BCOR: variants seen among roughly 807,000 people sequenced by gnomAD.
BCOR encodes BCL6 corepressor.
A neutral mutation model predicts 86.7 loss-of-function variants in BCOR; 10 were observed. That is an observed-to-expected ratio of 0.12 (90% CI 0.07 to 0.20). The LOEUF (loss-of-function observed/expected upper bound fraction) is 0.20, where lower values mean the gene tolerates loss of function less well. Among genes scored for constraint, BCOR ranks in the 10% least tolerant of loss-of-function variants. The pLI, the probability that BCOR is intolerant of heterozygous loss-of-function variation, is 1.00. For synonymous variants in BCOR, 611 were observed against 609.0 expected, an observed-to-expected ratio of 1.00 and a Z score of -0.05; for missense variants, 1,259 against 1,452.1, an observed-to-expected ratio of 0.87 and a Z score of 2.16.
intron 1 of BCOR, among the ~76,000 whole-genome samples, chrX:40,120,559 G>C (rs1421876675): frequency 3.6e-5 from 4 of 111,476 alleles, no homozygotes; most frequent in Non-Finnish European, 5.7e-5. Context: ...CATGGCAATG[G>C]CCTCCTCACT....
Position 40,072,800 on chromosome X carries a change from T to C in BCOR, c.2546A>G (p.His849Arg). The C allele has an allele frequency of 8.3e-7, 1 of 1,211,953 alleles. No homozygotes were observed. Among genetic ancestry groups the C allele is most frequent in the Non-Finnish European group, 1.1e-6 (1 of 895,542 alleles). ...KPSVEPALQQ[H>R]RDFIALREEL... is the part of the protein sequence containing the mutation. Reference sequence around the variant, plus strand: ...CTCTCTCAGGGCGATGAAATCACGGTGCTGCTGCAGGGCCGGCTCAACTGA... The same window carrying C: ...CTCTCTCAGGGCGATGAAATCACGGCGCTGCTGCAGGGCCGGCTCAACTGA... Residue 849 changes from histidine (H) to arginine (R), a missense_variant, in exon 4 of 15, where the codon CAC becomes CGC. His to Arg is a conservative substitution (Grantham distance 29, BLOSUM62 0). Transcript: ENST00000378444.
At chrX:40,135,323 T>A (rs753433794) in intron 1 of BCOR, among the ~76,000 whole-genome samples, 11 of 111,190 alleles carry the variant, frequency 9.9e-5, no homozygotes, top group Admixed American at 2.9e-4. Flanking sequence ...CCTGTACCTT[T>A]CCTGCAAGGG....
At chrX:40,080,558 G>A (rs750191460) in intron 1 of BCOR, among the ~76,000 whole-genome samples, 1 of 111,506 alleles carries the variant, frequency 9.0e-6, no homozygotes, top group African/African-American at 3.3e-5. Flanking sequence ...GCCCAGCCCC[G>A]AAAAGGCCAG....
intron 1 of BCOR, among the ~76,000 whole-genome samples, chrX:40,152,956 T>G (rs1474922099): frequency 9.1e-6 from 1 of 110,322 alleles, no homozygotes; most frequent in Non-Finnish European, 1.9e-5. Flanking sequence ...AAGTGGGGGG[T>G]GAAACCGCTC....
intron 1 of BCOR, among the ~76,000 whole-genome samples, chrX:40,118,728 C>G (rs1937435761): frequency 8.9e-6 from 1 of 112,582 alleles, no homozygotes; most frequent in Admixed American, 9.4e-5. Flanking sequence ...CACACAAAGT[C>G]TCCACTGACC....
At chrX:40,113,767 T>C (rs1937349998) in intron 1 of BCOR, among the ~76,000 whole-genome samples, 1 of 111,504 alleles carries the variant, frequency 9.0e-6, no homozygotes, top group African/African-American at 3.3e-5. Flanking sequence ...GAAAAAAAAA[T>C]CTGATAAACA....
At chrX:40,056,446 TG>T (rs1934604099) in intron 11 of BCOR, among the ~76,000 whole-genome samples, 1 of 110,310 alleles carries the variant, frequency 9.1e-6, no homozygotes, top group Admixed American at 9.6e-5. Flanking sequence ...ACAGGCCTGG[TG>T]GGGTGTGTTC....
At chrX:40,120,758 C>T (rs1016647259) in intron 1 of BCOR, among the ~76,000 whole-genome samples, 5 of 111,725 alleles carry the variant, frequency 4.5e-5, no homozygotes, top group African/African-American at 1.6e-4. Flanking sequence ...GAGAGATGGG[C>T]GATAAGCAAT....
intron 1 of BCOR, among the ~76,000 whole-genome samples, chrX:40,168,077 A>AACGCACACACAGAC (rs1426834120): frequency 3.6e-5 from 4 of 112,534 alleles, no homozygotes; most frequent in Admixed American, 1.9e-4. Context: ...TTGTCATCGG[A>AACGCACACACAGAC]ACGCACACAC....
intron 1 of BCOR, among the ~76,000 whole-genome samples, chrX:40,129,587 T>C (rs1449385177): frequency 9.2e-6 from 1 of 108,124 alleles, no homozygotes; most frequent in Non-Finnish European, 1.9e-5. Context: ...GGAAGAACTG[T>C]GGGCAGAGCT....
At chrX:40,103,797 C>T (rs1396218253) in intron 1 of BCOR, among the ~76,000 whole-genome samples, 1 of 111,025 alleles carries the variant, frequency 9.0e-6, no homozygotes. Context: ...TTTTTTTTTC[C>T]GCCATGCAAG....
intron 1 of BCOR, among the ~76,000 whole-genome samples, chrX:40,154,517 G>A (rs1938244220): frequency 9.0e-6 from 1 of 110,593 alleles, no homozygotes; most frequent in African/African-American, 3.3e-5. Context: ...CCGAGAGAGG[G>A]AGCGAGCGAA....
At chrX:40,109,953 T>C (rs1005000599) in intron 1 of BCOR, among the ~76,000 whole-genome samples, 2 of 112,007 alleles carry the variant, frequency 1.8e-5, no homozygotes, top group Admixed American at 1.8e-4. Flanking sequence ...CCGGGCCTCA[T>C]GGGAAAGCTG....
At chrX:40,130,655 G>A (rs990356441) in intron 1 of BCOR, among the ~76,000 whole-genome samples, 26 of 112,087 alleles carry the variant, frequency 2.3e-4, no homozygotes, top group Non-Finnish European at 3.9e-4. Context: ...AAAAGAAGAG[G>A]ACCAGAGAGA....
intron 1 of BCOR, among the ~76,000 whole-genome samples, chrX:40,092,857 A>G (rs1176479814): frequency 1.8e-5 from 2 of 112,477 alleles, no homozygotes; most frequent in Non-Finnish European, 3.8e-5. Flanking sequence ...TTCCCTGTGA[A>G]TAAGTGTGTG....
chrX:40,075,601 A>C (rs959555580), intron 3 of BCOR, among the ~76,000 whole-genome samples: 4 of 110,421 alleles, frequency 3.6e-5, no homozygotes, highest in African/African-American at 1.3e-4. Flanking sequence ...CTACTAAAAT[A>C]CAAAAAAATT....
At chrX:40,080,836 GT>G in intron 1 of BCOR, among the ~76,000 whole-genome samples, 1 of 100,858 alleles carries the variant, frequency 9.9e-6, no homozygotes, top group Non-Finnish European at 2.0e-5. Context: ...GTGTGTGTGT[GT>G]GTGTGTGTGT....
intron 1 of BCOR, among the ~76,000 whole-genome samples, chrX:40,155,460 G>A (rs1938269840): frequency 9.0e-6 from 1 of 111,337 alleles, no homozygotes; most frequent in African/African-American, 3.3e-5. Context: ...GAAGCAGGAA[G>A]GGGGTGGGGA....
chrX:40,097,103 G>C (rs1419448000), intron 1 of BCOR, 112 bp downstream of exon 1: 2 of 112,829 alleles, frequency 1.8e-5, no homozygotes, highest in East Asian at 5.6e-4. Context: ...AAAGCTTCGC[G>C]GGGTACGCTG....
Sources: allele counts gnomAD v4.1 joint callset (sites outside exome capture counted in the v4.1 genomes callset), GRCh38; gene constraint gnomAD v4.1.1; transcripts MANE v1.5; gene names NCBI Gene and HGNC (gene_info 2026-07-23, HGNC 2026-07-21).